CASZ1: variants seen among roughly 807,000 people sequenced by gnomAD.
The protein encoded by CASZ1 is zinc finger protein castor homolog 1.
In CASZ1, 28 loss-of-function variants were observed where a neutral mutation model predicts 135.2. The ratio of observed to expected loss-of-function variants is 0.21; its 90% CI spans 0.15 to 0.28. The LOEUF is 0.28. Ranked by LOEUF, CASZ1 falls within the 10% of genes least tolerant of loss-of-function variation. The pLI, the probability that CASZ1 is intolerant of heterozygous loss-of-function variation, is 1.00. For missense variants in CASZ1, 2,161 were observed against 2,453.3 expected, an observed-to-expected ratio of 0.88 and a Z score of 2.52; for synonymous variants, 1,068 against 1,073.4, an observed-to-expected ratio of 0.99 and a Z score of 0.10.
chr1:10,778,874 T>C (rs1406800996), intron 1 of CASZ1, among the ~76,000 whole-genome samples: 1 of 152,138 alleles, frequency 6.6e-6, no homozygotes, highest in African/African-American at 2.4e-5. Context: ...AGGTCTCTGC[T>C]CCCAGCCTGA....
intron 2 of CASZ1, among the ~76,000 whole-genome samples, chr1:10,712,346 CAAAT>C (rs1402585539): frequency 6.6e-6 from 1 of 151,680 alleles, no homozygotes; most frequent in South Asian, 2.1e-4. Flanking sequence ...GACTCTGTCT[CAAAT>C]AAATACATAA....
chr1:10,645,709 C>A (rs1642346493), intron 17 of CASZ1, among the ~76,000 whole-genome samples: 4 of 152,208 alleles, frequency 2.6e-5, no homozygotes, highest in Admixed American at 6.5e-5. Flanking sequence ...GGCCCAGTTT[C>A]CCCCTCAGGC....
At position 10,649,389 on chromosome 1, in the gene CASZ1, C is replaced by T; in HGVS notation, c.2929G>A (p.Glu977Lys). 3 of 1,610,324 alleles carry T rather than the reference C, an allele frequency of 1.9e-6. No homozygotes were observed. Among genetic ancestry groups the T allele is most frequent in the Non-Finnish European group, 2.5e-6 (3 of 1,178,834 alleles). ...TCCGCAGCGGGGCTCCCCTCCGCTT[C>T]CGCCTTGATGTTCAGCAGGCTGCCC... The part of the protein sequence containing the change: ...GLGSLLNIKA[E>K]AEGSPAAEPS... The change falls in exon 14 of 21, where the codon GAA (glutamate) becomes AAA (lysine). Residue 977 changes from glutamate (E) to lysine (K), a missense_variant. Physicochemically the swap from Glu to Lys is moderately conservative, Grantham distance 56. This residue lies in a region of CASZ1 where 406 missense variants were observed against 387.6 expected (regional missense o/e 1.05). Coordinates refer to ENST00000377022, the MANE Select transcript of CASZ1 (RefSeq NM_001079843.3).
rs531959000 is a variant in CASZ1, at chr1:10,740,110, C to T, written c.-77+20591G>A. 1.9e-3 allele frequency among the ~76,000 whole-genome samples: 296 copies of T among 152,348 alleles called. 1 individual carries two copies. The highest frequency in any genetic ancestry group is 3.6e-3 in the Non-Finnish European group (242 of 68,038). On this transcript the variant is annotated intron_variant, in intron 2 of 20. Transcript: ENST00000377022. ...GGCGCCTGTTAGGTTTTAGTTCACT[C>T]ACTCCTCTCTGCAACCCCATAGGAT...
chr1:10,769,565 G>A (rs937009895), intron 1 of CASZ1, among the ~76,000 whole-genome samples: 9 of 152,132 alleles, frequency 5.9e-5, no homozygotes, highest in Admixed American at 1.3e-4. Flanking sequence ...TTGCCTAGCT[G>A]GAGTGCAGTG....
Position 10,755,931 on chromosome 1 carries a change from G to A in CASZ1, c.-77+4770C>T, listed in dbSNP as rs1297543935. 1.3e-5 allele frequency among the ~76,000 whole-genome samples: 2 copies of A among 151,386 alleles called. No homozygotes were observed. Among genetic ancestry groups the A allele is most frequent in the Non-Finnish European group, 2.9e-5 (2 of 67,838 alleles). On this transcript the variant is annotated intron_variant, in intron 2 of 20. Transcript: ENST00000377022. This position sits in a 1 kb window ranked among gnomAD's most constrained non-coding sequence, Gnocchi z 4.3. Reference sequence around the variant, plus strand: ...AGATCAAAGCCCTGGAGGATGGCATGAGAACTGTCCAGTCCAGTTAGGAGT... The same window carrying A: ...AGATCAAAGCCCTGGAGGATGGCATAAGAACTGTCCAGTCCAGTTAGGAGT...
intron 4 of CASZ1, among the ~76,000 whole-genome samples, chr1:10,677,202 A>G (rs1638251793): frequency 6.6e-6 from 1 of 152,050 alleles, no homozygotes; most frequent in Non-Finnish European, 1.5e-5. Context: ...CTCAGGCTGG[A>G]AGGAACGCCA....
chr1:10,751,845 G>C (rs1235302811), intron 2 of CASZ1, among the ~76,000 whole-genome samples: 1 of 152,240 alleles, frequency 6.6e-6, no homozygotes, highest in East Asian at 1.9e-4. Context: ...AACAGAGCCA[G>C]AGCAAAGAGC....
rs1471194269 is a variant in CASZ1 at position 10,735,813 on chromosome 1, C to G, written c.-77+24888G>C. 6.6e-6 allele frequency among the ~76,000 whole-genome samples: 1 copy of G among 152,154 alleles called. No homozygotes were observed. The highest frequency in any genetic ancestry group is 1.9e-4 in the East Asian group (1 of 5,202). ...CGCTCTGGGCTGCACCAAGGGGACA[C>G]TGGGAGTTGTAGGTAGTCAGGGAGC... On this transcript the variant is annotated intron_variant, in intron 2 of 20. Coordinates refer to ENST00000377022, the MANE Select transcript of CASZ1 (RefSeq NM_001079843.3). The surrounding 1 kb of genome is among the most constrained non-coding windows in gnomAD (Gnocchi z 5.1).
chr1:10,741,500 G>A lies in CASZ1; in HGVS notation c.-77+19201C>T, dbSNP rs1205674192. Among the ~76,000 whole-genome samples the A allele has an allele frequency of 6.6e-6, 1 of 152,084 alleles. No homozygotes were observed. The highest frequency in any genetic ancestry group is 2.4e-5 in the African/African-American group (1 of 41,386). On this transcript the variant is annotated intron_variant, in intron 2 of 20. Coordinates refer to ENST00000377022, the MANE Select transcript of CASZ1 (RefSeq NM_001079843.3). This position sits in a 1 kb window ranked among gnomAD's most constrained non-coding sequence, Gnocchi z 5.0. ...AAAGATGAGCATGGGCAGGGCTGGC[G>A]TGATGAGGCTGGTCTAGCAGAGCTC... is the stretch of plus-strand genomic sequence containing the variant.
chr1:10,703,621 T>C (rs983746820), intron 3 of CASZ1, among the ~76,000 whole-genome samples: 1 of 152,060 alleles, frequency 6.6e-6, no homozygotes, highest in Admixed American at 6.5e-5. Flanking sequence ...TGGGGCTTTT[T>C]TTTTCAAGGT....
At position 10,741,282 on chromosome 1, in the gene CASZ1, TC is replaced by T. The variant is rs1639917102; in HGVS notation, c.-77+19418del. 6.6e-6 allele frequency among the ~76,000 whole-genome samples: 1 copy of T among 152,094 alleles called. No individual in the cohort carries two copies. Among genetic ancestry groups the T allele is most frequent in the Non-Finnish European group, 1.5e-5 (1 of 68,016 alleles). The stretch of plus-strand genomic sequence containing the variant: ...ACAGGCGTGAGCCACTGCGCCTGGC[TC>T]TATATTGGGCTTTAAACGACATGAG... On this transcript the variant is annotated intron_variant, in intron 2 of 20. Coordinates refer to ENST00000377022, the MANE Select transcript of CASZ1 (RefSeq NM_001079843.3). This position sits in a 1 kb window ranked among gnomAD's most constrained non-coding sequence, Gnocchi z 5.0.
chr1:10,677,277 G>A (rs915916022), intron 4 of CASZ1, among the ~76,000 whole-genome samples: 2 of 152,218 alleles, frequency 1.3e-5, no homozygotes, highest in African/African-American at 2.4e-5. Context: ...AGCCTCGCTG[G>A]AGCAGGAGGG....
chr1:10,730,243 T>C lies in CASZ1; in HGVS notation c.-76-24699A>G, dbSNP rs192893872. Among the ~76,000 whole-genome samples the C allele has an allele frequency of 7.4e-4, 112 of 152,156 alleles. 3 individuals carry two copies. The East Asian group carries it at 0.015, about 21-fold the overall frequency. On this transcript the variant is annotated intron_variant, in intron 2 of 20. Coordinates refer to ENST00000377022, the MANE Select transcript of CASZ1 (RefSeq NM_001079843.3). Reference sequence around the variant, plus strand: ...CTTCTGCCTCAGCCTCCCGAGTAGCTGGAATTACAGGTGCCCACCACCTCA... The same window carrying C: ...CTTCTGCCTCAGCCTCCCGAGTAGCCGGAATTACAGGTGCCCACCACCTCA...
rs1424733618 is a variant in CASZ1, at chr1:10,700,120, GTA to G, written c.-24+5370_-24+5371del. ...ACACACACACACACACACACACAGA[GTA>G]TGAAGCAGGGACCTGGGCTAGTTGG... On this transcript the variant is annotated intron_variant, in intron 3 of 20. Coordinates refer to ENST00000377022, the MANE Select transcript of CASZ1 (RefSeq NM_001079843.3). The surrounding 1 kb of genome is among the most constrained non-coding windows in gnomAD (Gnocchi z 4.2). Among the ~76,000 whole-genome samples the G allele has an allele frequency of 1.4e-5, 1 of 71,790 alleles. No homozygotes were observed. The highest frequency in any genetic ancestry group is 6.6e-5 in the African/African-American group (1 of 15,066). The allele number at this position is 71,790 out of a possible 152,430, so 47.1% of individuals were successfully genotyped here.
intron 4 of CASZ1, among the ~76,000 whole-genome samples, chr1:10,677,613 G>A (rs1638265383): frequency 1.3e-5 from 2 of 152,330 alleles, no homozygotes; most frequent in Non-Finnish European, 2.9e-5. Flanking sequence ...CCTGGAAAGG[G>A]ACCGAGGTCC....
At chr1:10,687,789 G>C (rs755280269) in intron 4 of CASZ1, among the ~76,000 whole-genome samples, 19 of 152,180 alleles carry the variant, frequency 1.2e-4, no homozygotes, top group Non-Finnish European at 2.4e-4. Flanking sequence ...CATGGTCATG[G>C]TTAGGAGTTA....
chr1:10,639,914 G>T lies in CASZ1; in HGVS notation c.4308C>A (p.Arg1436=). The T allele has an allele frequency of 6.2e-7, 1 of 1,612,930 alleles. No homozygotes were observed. Among genetic ancestry groups the T allele is most frequent in the Non-Finnish European group, 8.5e-7 (1 of 1,180,008 alleles). Residue 1436 remains arginine, a synonymous_variant, in exon 21 of 21, where the codon CGC becomes CGA. Transcript: ENST00000377022. This position sits in a 1 kb window ranked among gnomAD's most constrained non-coding sequence, Gnocchi z 4.0. The stretch of plus-strand genomic sequence containing the variant: ...CCTTGCAGTCCTCGTAAAGGTCGAA[G>T]CGCCGGAAGCCCTCCAGCATCATGC... ...DEGMMLEGFR[R]FDLYEDCKDA... is the part of the protein sequence containing the mutation.
chr1:10,736,765 G>T (rs1639805171), intron 2 of CASZ1, among the ~76,000 whole-genome samples: 1 of 152,212 alleles, frequency 6.6e-6, no homozygotes, highest in Non-Finnish European at 1.5e-5. Flanking sequence ...CGGTCTAGTA[G>T]CGGACACAGG....
Sources: allele counts gnomAD v4.1 joint callset (sites outside exome capture counted in the v4.1 genomes callset), GRCh38; gene constraint gnomAD v4.1.1; regional missense constraint gnomAD v4.1.1; non-coding constraint Gnocchi (gnomAD v3.1); transcripts MANE v1.5; gene names NCBI Gene and HGNC (gene_info 2026-07-23, HGNC 2026-07-21).